LRFN2: variants seen among roughly 807,000 people sequenced by gnomAD.
The protein encoded by LRFN2 is leucine rich repeat and fibronectin type III domain containing 2, also known as leucine-rich repeat and fibronectin type-III domain-containing protein 2.
Under a neutral mutation model 37.3 loss-of-function variants are expected in LRFN2, and 18 were observed. The ratio of observed to expected loss-of-function variants is 0.48; its 90% CI spans 0.33 to 0.72. LRFN2 has a LOEUF of 0.72. LRFN2 is among the 30% of genes least tolerant of loss of function. The pLI is 0.02. For synonymous variants in LRFN2, 556 were observed against 466.6 expected (o/e 1.19, Z -2.47); for missense variants, 1,006 against 1,060.7 (o/e 0.95, Z 0.72).
rs573170063 is a variant in LRFN2, at chr6:40,492,804, T to C, written c.-18-59673A>G. Among the ~76,000 whole-genome samples, 6 of 152,096 alleles carry C rather than the reference T, an allele frequency of 3.9e-5. No individual in the cohort carries two copies. In the South Asian group the frequency reaches 1.0e-3, roughly 26 times the overall value. On this transcript the variant is annotated intron_variant, in intron 1 of 2. Coordinates refer to ENST00000338305, the MANE Select transcript of LRFN2 (RefSeq NM_020737.3). Reference sequence around the variant, plus strand: ...GAACCAGTTCCGAAGCCCAGACTCATTTAGAGGAGGAGAGGAGGGGGTCAC... The same window carrying C: ...GAACCAGTTCCGAAGCCCAGACTCACTTAGAGGAGGAGAGGAGGGGGTCAC...
chr6:40,536,565 A>G (rs1766452210), intron 1 of LRFN2, among the ~76,000 whole-genome samples: 1 of 152,186 alleles, frequency 6.6e-6, no homozygotes, highest in Non-Finnish European at 1.5e-5. Flanking sequence ...GTGGAGACAA[A>G]GCAGGGAACA....
chr6:40,413,015 C>T (rs1385106216), intron 2 of LRFN2, among the ~76,000 whole-genome samples: 1 of 152,164 alleles, frequency 6.6e-6, no homozygotes, highest in African/African-American at 2.4e-5. Context: ...ATTCCCAGCA[C>T]TGCCGTGTTC....
intron 1 of LRFN2, among the ~76,000 whole-genome samples, chr6:40,474,664 A>G (rs1487395207): frequency 6.6e-6 from 1 of 151,790 alleles, no homozygotes; most frequent in Non-Finnish European, 1.5e-5. Context: ...TAATTTTTGT[A>G]TTTTTAGTAG....
At chr6:40,417,502 A>G (rs1413377343) in intron 2 of LRFN2, among the ~76,000 whole-genome samples, 1 of 152,200 alleles carries the variant, frequency 6.6e-6, no homozygotes, top group Admixed American at 6.5e-5. Context: ...GCCACAGCAC[A>G]CACCTAATGA....
intron 1 of LRFN2, among the ~76,000 whole-genome samples, chr6:40,578,699 T>C (rs1396558174): frequency 6.6e-6 from 1 of 152,208 alleles, no homozygotes; most frequent in Non-Finnish European, 1.5e-5. Context: ...CACACGTATA[T>C]ATTGTTCAAT....
chr6:40,421,867 C>A (rs553175345), intron 2 of LRFN2, among the ~76,000 whole-genome samples: 1 of 152,298 alleles, frequency 6.6e-6, no homozygotes, highest in African/African-American at 2.4e-5. Flanking sequence ...CTACTAGAAG[C>A]ACTTCACACT....
chr6:40,544,275 T>G (rs780993932), intron 1 of LRFN2, among the ~76,000 whole-genome samples: 2 of 152,246 alleles, frequency 1.3e-5, no homozygotes, highest in African/African-American at 4.8e-5. Context: ...TTCCCATTGA[T>G]GCCAGGCATG....
At chr6:40,499,702 A>C (rs557904813) in intron 1 of LRFN2, among the ~76,000 whole-genome samples, 1 of 152,090 alleles carries the variant, frequency 6.6e-6, no homozygotes, top group Non-Finnish European at 1.5e-5. Context: ...CTGACACCGC[A>C]TGAGACCAGT....
intron 2 of LRFN2, among the ~76,000 whole-genome samples, chr6:40,395,968 C>A (rs1762606320): frequency 6.6e-6 from 1 of 152,122 alleles, no homozygotes; most frequent in African/African-American, 2.4e-5. Context: ...TTGAACACAG[C>A]CACCCCAGGT....
intron 1 of LRFN2, among the ~76,000 whole-genome samples, chr6:40,510,720 C>T (rs1266475953): frequency 3.3e-5 from 5 of 152,132 alleles, no homozygotes; most frequent in East Asian, 3.9e-4. Context: ...AAAGCAGGGC[C>T]GAGGAGACAG....
At chr6:40,557,292 G>T (rs1766908386) in intron 1 of LRFN2, among the ~76,000 whole-genome samples, 1 of 152,232 alleles carries the variant, frequency 6.6e-6, no homozygotes, top group Admixed American at 6.5e-5. Flanking sequence ...CAGCAGAAAT[G>T]ATGTCCTCTC....
chr6:40,527,859 A>T (rs1561896592), intron 1 of LRFN2, among the ~76,000 whole-genome samples: 1 of 152,232 alleles, frequency 6.6e-6, no homozygotes, highest in African/African-American at 2.4e-5. Flanking sequence ...GGTCATATAG[A>T]GGAGACAGAG....
chr6:40,431,675 C>T, intron 2 of LRFN2, 39 bp downstream of exon 2: 2 of 1,488,296 alleles, frequency 1.3e-6, no homozygotes, highest in Non-Finnish European at 1.8e-6. Context: ...CTTCCCCAGC[C>T]AGACACCCTC....
At chr6:40,482,765 C>T (rs993670135) in intron 1 of LRFN2, among the ~76,000 whole-genome samples, 1 of 152,178 alleles carries the variant, frequency 6.6e-6, no homozygotes, top group South Asian at 2.1e-4. Flanking sequence ...CCTGCCTCCC[C>T]CTCCTGGCCA....
At chr6:40,496,831 G>A (rs543095272) in intron 1 of LRFN2, among the ~76,000 whole-genome samples, 4 of 152,140 alleles carry the variant, frequency 2.6e-5, no homozygotes, top group African/African-American at 9.6e-5. Context: ...TCTAGTCCCA[G>A]CATTTCAAAA....
chr6:40,521,835 G>A (rs1037117410), intron 1 of LRFN2, among the ~76,000 whole-genome samples: 1 of 152,230 alleles, frequency 6.6e-6, no homozygotes, highest in African/African-American at 2.4e-5. Flanking sequence ...AGACCACAGG[G>A]GGAGCTGCTA....
At chr6:40,563,654 G>C (rs542766425) in intron 1 of LRFN2, among the ~76,000 whole-genome samples, 3 of 152,292 alleles carry the variant, frequency 2.0e-5, no homozygotes, top group African/African-American at 7.2e-5. Flanking sequence ...GGCCTGCCAT[G>C]AGTCCTGGGG....
At chr6:40,556,244 TG>T (rs1766875481) in intron 1 of LRFN2, among the ~76,000 whole-genome samples, 1 of 152,218 alleles carries the variant, frequency 6.6e-6, no homozygotes, top group African/African-American at 2.4e-5. Context: ...TGGCCCAGAC[TG>T]GGTAGCCAGC....
chr6:40,465,738 G>A (rs901562511), intron 1 of LRFN2, among the ~76,000 whole-genome samples: 1 of 152,064 alleles, frequency 6.6e-6, no homozygotes, highest in Admixed American at 6.5e-5. Flanking sequence ...GGGAATTTGG[G>A]GACTGGAGAG....
Sources: allele counts gnomAD v4.1 joint callset (sites outside exome capture counted in the v4.1 genomes callset), GRCh38; gene constraint gnomAD v4.1.1; transcripts MANE v1.5; gene names NCBI Gene and HGNC (gene_info 2026-07-23, HGNC 2026-07-21).